Variants in LRP1B observed in about 807,000 individuals in gnomAD.
LRP1B encodes low-density lipoprotein receptor-related protein 1B.
LRP1B carries 217 observed loss-of-function variants against 556.6 expected under a neutral mutation model. The observed-to-expected ratio is 0.39, with a 90% CI of 0.35 to 0.44. The LOEUF (loss-of-function observed/expected upper bound fraction) is 0.44. LRP1B is among the 20% of genes least tolerant of loss of function. The pLI is 1.00. For missense variants in LRP1B, 5,053 were observed against 5,620.8 expected (o/e 0.90, Z 3.23); for synonymous variants, 2,047 against 1,865.8 (o/e 1.10, Z -2.50).
chr2:140,518,813 G>C (rs1174983162), intron 49 of LRP1B, among the ~76,000 whole-genome samples: 1 of 152,106 alleles, frequency 6.6e-6, no homozygotes, highest in African/African-American at 2.4e-5. Context: ...TTGTTTATCA[G>C]CTTAAGGAGA....
Position 141,247,493 on chromosome 2 carries a change from CACTA to C in LRP1B, c.464-143_464-140del, listed in dbSNP as rs946756496. ...ATTCCAATAAGTCTTTTCAAAACCA[CACTA>C]ACTAAAAATTAAAATTATTGCTGCC... On this transcript the variant is annotated intron_variant, in intron 4 of 90. Transcript: ENST00000389484. 37 of 875,082 alleles carry C rather than the reference CACTA, an allele frequency of 4.2e-5. No individual in the cohort carries two copies. In the African/African-American group the frequency reaches 6.1e-4, roughly 14 times the overall value. 54.2% of individuals were successfully genotyped at this position (875,082 alleles called of 1,614,324 possible).
intron 21 of LRP1B, among the ~76,000 whole-genome samples, chr2:140,922,170 G>A (rs1218905152): frequency 6.6e-6 from 1 of 151,794 alleles, no homozygotes; most frequent in Non-Finnish European, 1.5e-5. Context: ...GCATAAAGCG[G>A]GAAGAAAATA....
intron 23 of LRP1B, among the ~76,000 whole-genome samples, chr2:140,887,626 A>G (rs1356378569): frequency 1.3e-5 from 2 of 152,210 alleles, no homozygotes; most frequent in Non-Finnish European, 2.9e-5. Context: ...TCATGGCAGC[A>G]TTATTCATAA....
At chr2:141,839,882 T>G (rs1697408492) in intron 1 of LRP1B, among the ~76,000 whole-genome samples, 2 of 152,196 alleles carry the variant, frequency 1.3e-5, no homozygotes, top group Admixed American at 1.3e-4. Flanking sequence ...TAATAAAATG[T>G]ATCTTAATGA....
intron 1 of LRP1B, among the ~76,000 whole-genome samples, chr2:141,952,408 T>C (rs1418920492): frequency 1.3e-5 from 2 of 152,148 alleles, no homozygotes; most frequent in African/African-American, 2.4e-5. Context: ...TAAACAAATA[T>C]GGCACATATT....
At chr2:140,541,125 CA>C (rs745808548) in intron 44 of LRP1B, 27 bp from the exon 45 acceptor site, 79 of 1,568,384 alleles carry the variant, frequency 5.0e-5, no homozygotes, top group Non-Finnish European at 6.8e-5. Context: ...GTATTGGTAA[CA>C]TTTTATATCG....
At chr2:141,854,889 G>A (rs1697994812) in intron 1 of LRP1B, among the ~76,000 whole-genome samples, 1 of 151,716 alleles carries the variant, frequency 6.6e-6, no homozygotes, top group Admixed American at 6.6e-5. Context: ...CAGATAAAAA[G>A]TCCTAAAAAA....
At chr2:140,341,871 T>C (rs1681409285) in intron 77 of LRP1B, among the ~76,000 whole-genome samples, 1 of 151,358 alleles carries the variant, frequency 6.6e-6, no homozygotes, top group South Asian at 2.1e-4. Context: ...ATTTTGGCTA[T>C]GGTGTGGAGA....
At chr2:141,425,038 T>A (rs1047395255) in intron 3 of LRP1B, among the ~76,000 whole-genome samples, 1 of 151,208 alleles carries the variant, frequency 6.6e-6, no homozygotes, top group Admixed American at 6.6e-5. Flanking sequence ...CATTTAGCAT[T>A]AGGTATATCT....
At chr2:141,175,778 C>A (rs1196172291) in intron 7 of LRP1B, among the ~76,000 whole-genome samples, 1 of 152,064 alleles carries the variant, frequency 6.6e-6, no homozygotes, top group Non-Finnish European at 1.5e-5. Context: ...CTACCAACAG[C>A]TTGCACCATG....
intron 83 of LRP1B, among the ~76,000 whole-genome samples, chr2:140,304,610 G>A (rs546449345): frequency 2.3e-4 from 35 of 152,200 alleles, no homozygotes; most frequent in African/African-American, 8.2e-4. Context: ...TAGGTTGCCC[G>A]TTCACTCTGA....
chr2:142,108,822 C>T (rs899279865), intron 1 of LRP1B, among the ~76,000 whole-genome samples: 1 of 152,094 alleles, frequency 6.6e-6, no homozygotes, highest in Non-Finnish European at 1.5e-5. Context: ...AGACACAACA[C>T]AAGTAAAAAG....
At position 140,840,801 on chromosome 2, in the gene LRP1B, T is replaced by C. The variant is rs980422001; in HGVS notation, c.5114+117A>G. 15 of 699,476 alleles carry C rather than the reference T, an allele frequency of 2.1e-5. No homozygotes were observed. In the African/African-American group the frequency reaches 2.8e-4, roughly 13 times the overall value. 43.3% of individuals were successfully genotyped at this position (699,476 alleles called of 1,614,324 possible). A position where few individuals can be genotyped will look rare whatever the true frequency, so the allele number is the denominator to read the frequency against. ...TTACAGTTTCCATATTTACTTTTTT[T>C]TTAACTCTTATGGCTGTTATATATA... is the stretch of plus-strand genomic sequence containing the variant. On this transcript the variant is annotated intron_variant, in intron 30 of 90. Transcript: ENST00000389484.
At chr2:140,915,908 C>T (rs1466104268) in intron 21 of LRP1B, among the ~76,000 whole-genome samples, 1 of 151,500 alleles carries the variant, frequency 6.6e-6, no homozygotes, top group Non-Finnish European at 1.5e-5. Flanking sequence ...GGCGCCTGTA[C>T]TCCCAGCTAC....
At chr2:142,032,976 C>T (rs920561502) in intron 1 of LRP1B, among the ~76,000 whole-genome samples, 1 of 151,824 alleles carries the variant, frequency 6.6e-6, no homozygotes, top group Non-Finnish European at 1.5e-5. Flanking sequence ...TCCCACAATA[C>T]CACTTGCCCA....
At chr2:141,320,762 G>T (rs926478237) in intron 3 of LRP1B, among the ~76,000 whole-genome samples, 1 of 152,000 alleles carries the variant, frequency 6.6e-6, no homozygotes, top group Admixed American at 6.6e-5. Flanking sequence ...TACAGGATTC[G>T]CAGTTTCACG....
At chr2:141,653,088 C>T (rs975988906) in intron 2 of LRP1B, among the ~76,000 whole-genome samples, 9 of 152,098 alleles carry the variant, frequency 5.9e-5, no homozygotes, top group African/African-American at 1.9e-4. Flanking sequence ...TCTCAACATC[C>T]GTGCCTCAGG....
chr2:141,222,626 T>C (rs182899753), intron 6 of LRP1B, among the ~76,000 whole-genome samples: 1 of 152,042 alleles, frequency 6.6e-6, no homozygotes, highest in African/African-American at 2.4e-5. Flanking sequence ...TGCAAAAAAA[T>C]CCTCAATAAA....
chr2:141,453,792 C>A (rs1404488956), intron 3 of LRP1B, among the ~76,000 whole-genome samples: 2 of 151,624 alleles, frequency 1.3e-5, no homozygotes, highest in Admixed American at 6.6e-5. Context: ...GTGACACCTG[C>A]AGTTCCAGCT....
Sources: gnomAD v4.1 joint callset for allele counts (sites outside exome capture counted in the v4.1 genomes callset) on GRCh38, gnomAD v4.1.1 for gene constraint, MANE v1.5 for transcripts, NCBI Gene and HGNC (gene_info 2026-07-23, HGNC 2026-07-21) for gene names.